TPRKB: variants seen among roughly 807,000 people sequenced by gnomAD.
TPRKB encodes TP53RK binding protein.
In TPRKB, 11 loss-of-function variants were observed where a neutral mutation model predicts 17.8. The ratio of observed to expected loss-of-function variants is 0.62; its 90% CI spans 0.39 to 1.02. TPRKB has a LOEUF of 1.02. Among genes scored for constraint, TPRKB ranks in the 50% least tolerant of loss-of-function variants. The probability of loss-of-function intolerance (pLI) is 0.00; values close to 1 mark genes in which losing one functional copy is unlikely to be tolerated. For missense variants in TPRKB, 228 were observed against 198.0 expected (o/e 1.15, Z -0.91); for synonymous variants, 71 against 69.5 (o/e 1.02, Z -0.11).
rs115608332 is a variant in TPRKB at position 73,733,157 on chromosome 2, T to C, written c.142-872A>G. On this transcript the variant is annotated intron_variant, in intron 2 of 4. Coordinates refer to ENST00000272424, the MANE Select transcript of TPRKB (RefSeq NM_016058.5). ...ACAATGCTAGGAATGCAGTAAGCACTATATAAAGGTTGGTTATGTCTTGTT... is the reference window on the plus strand; with the variant it reads ...ACAATGCTAGGAATGCAGTAAGCACCATATAAAGGTTGGTTATGTCTTGTT... Among the ~76,000 whole-genome samples the C allele has an allele frequency of 8.6e-3, 1,310 of 152,070 alleles. 23 individuals are homozygous for C. Among genetic ancestry groups the C allele is most frequent in the African/African-American group, 0.03 (1,240 of 41,498 alleles).
intron 4 of TPRKB, 66 bp downstream of exon 4, chr2:73,730,494 T>C (rs1366577865): frequency 6.1e-6 from 7 of 1,156,482 alleles, no homozygotes; most frequent in South Asian, 4.5e-5. Context: ...TGGTGATCAA[T>C]AGGCAAACGG....
At chr2:73,734,285 G>A in intron 2 of TPRKB, 144 bp downstream of exon 2, 1 of 730,254 alleles carries the variant, frequency 1.4e-6, no homozygotes, top group Non-Finnish European at 2.1e-6. Context: ...TTTTAGTTGA[G>A]ACAGGGTTTC....
intron 3 of TPRKB, chr2:73,731,826 A>G (rs78459605): frequency 2.0e-3 from 372 of 183,856 alleles, no homozygotes; most frequent in Non-Finnish European, 3.2e-3. Flanking sequence ...AGAGAATGAT[A>G]TGCAGGCTAG....
At chr2:73,736,454 G>A (rs1271198600) in intron 1 of TPRKB, among the ~76,000 whole-genome samples, 1 of 152,164 alleles carries the variant, frequency 6.6e-6, no homozygotes, top group South Asian at 2.1e-4. Flanking sequence ...AAAAAAACGT[G>A]CTTTTTAACA....
chr2:73,734,778 T>A (rs1671803876), intron 1 of TPRKB, among the ~76,000 whole-genome samples, 187 bp from the exon 2 acceptor site: 1 of 152,234 alleles, frequency 6.6e-6, no homozygotes, highest in African/African-American at 2.4e-5. Flanking sequence ...GTTGTTCTGT[T>A]GTCATCCCCA....
intron 3 of TPRKB, among the ~76,000 whole-genome samples, chr2:73,731,562 T>C (rs1671613010): frequency 6.6e-6 from 1 of 152,248 alleles, no homozygotes; most frequent in Non-Finnish European, 1.5e-5. Flanking sequence ...TAGTACCTGG[T>C]TGTTATTAAC....
In TPRKB at chr2:73,729,985, C is replaced by T. The variant is rs1671518578; in HGVS notation, c.486G>A (p.Leu162=). 1 of 1,576,446 alleles carries T rather than the reference C, an allele frequency of 6.3e-7. No homozygotes were observed. Among genetic ancestry groups the T allele is most frequent in the Non-Finnish European group, 8.6e-7 (1 of 1,159,022 alleles). Reference sequence around the variant, plus strand: ...TTGACATTCTACAAATGATAGCATCCAATAATGTCCCAATACTTTCTTCTT... The same window carrying T: ...TTGACATTCTACAAATGATAGCATCTAATAATGTCCCAATACTTTCTTCTT... The part of the protein sequence containing the change: ...SSQEESIGTL[L]DAIICRMSTK... The change falls in exon 5 of 5, where the codon TTG becomes TTA. Residue 162 remains leucine, a synonymous_variant. Transcript: ENST00000272424.
chr2:73,730,740 A>T lies in TPRKB; in HGVS notation c.265-4T>A. Reference sequence around the variant, plus strand: ...ATTTTTTCAAAGCCTCTGAAATCTAAGAGAAAAAAAATGAAAAAAAAAACA... The same window carrying T: ...ATTTTTTCAAAGCCTCTGAAATCTATGAGAAAAAAAATGAAAAAAAAAACA... On this transcript the variant is annotated splice_region_variant and splice_polypyrimidine_tract_variant and intron_variant, in intron 3 of 4. Transcript: ENST00000272424. 1 of 1,504,994 alleles carries T rather than the reference A, an allele frequency of 6.6e-7. No individual in the cohort carries two copies. The allele number at this position is 1,504,994 out of a possible 1,614,324, so 93.2% of individuals were successfully genotyped here. A position where few individuals can be genotyped will look rare whatever the true frequency, so the allele number is the denominator to read the frequency against.
chr2:73,735,823 A>C (rs1345055144), intron 1 of TPRKB, among the ~76,000 whole-genome samples: 3 of 152,218 alleles, frequency 2.0e-5, no homozygotes, highest in African/African-American at 7.2e-5. Context: ...ATATTTCTAG[A>C]ACTCTTTCTG....
At chr2:73,732,491 C>A in intron 2 of TPRKB, 1 of 522,470 alleles carries the variant, frequency 1.9e-6, no homozygotes, top group South Asian at 2.3e-5. Flanking sequence ...GTGGGTAGAT[C>A]ACCTGACGTC....
intron 1 of TPRKB, among the ~76,000 whole-genome samples, chr2:73,736,199 C>T (rs992847843): frequency 1.3e-5 from 2 of 152,072 alleles, no homozygotes; most frequent in Non-Finnish European, 2.9e-5. Flanking sequence ...ACAGTTCAAT[C>T]ATTAGTCATG....
intron 4 of TPRKB, 145 bp from the exon 5 acceptor site, chr2:73,730,174 C>T: frequency 2.0e-6 from 2 of 1,007,082 alleles, no homozygotes; most frequent in Non-Finnish European, 2.7e-6. Flanking sequence ...TTAAAATATT[C>T]AAAGTAGAGG....
At chr2:73,733,232 A>C (rs888090715) in intron 2 of TPRKB, among the ~76,000 whole-genome samples, 1 of 146,622 alleles carries the variant, frequency 6.8e-6, no homozygotes, top group Non-Finnish European at 1.5e-5. Context: ...ACATGATCGC[A>C]CTGCGTGTGC....
At chr2:73,735,083 C>G (rs1558522754) in intron 1 of TPRKB, among the ~76,000 whole-genome samples, 1 of 152,070 alleles carries the variant, frequency 6.6e-6, no homozygotes, top group Admixed American at 6.5e-5. Flanking sequence ...AATCTCAGCA[C>G]TCTGGGAGGC....
intron 3 of TPRKB, chr2:73,731,236 T>G (rs1008339957): frequency 6.6e-6 from 1 of 152,386 alleles, no homozygotes; most frequent in Non-Finnish European, 1.5e-5. Context: ...GCTGTACCCC[T>G]AGATTTGAAT....
rs974081700 is a variant in TPRKB at position 73,735,313 on chromosome 2, C to T, written c.-22-722G>A. Among the ~76,000 whole-genome samples, 5 of 145,860 alleles carry T rather than the reference C, an allele frequency of 3.4e-5. No homozygotes were observed. In the Admixed American group the frequency reaches 3.5e-4, roughly 10 times the overall value. ...TACCATTGCACCCCAGCCTGGGCAA[C>T]AAGAGTGAAACTCCGTCTCAAAAAA... On this transcript the variant is annotated intron_variant, in intron 1 of 4. Transcript: ENST00000272424.
intron 1 of TPRKB, among the ~76,000 whole-genome samples, chr2:73,736,324 G>A (rs889543879): frequency 1.3e-5 from 2 of 152,022 alleles, no homozygotes; most frequent in African/African-American, 4.8e-5. Flanking sequence ...TGACCATCTT[G>A]GGTAGTGAGG....
At position 73,730,634 on chromosome 2, in the gene TPRKB, T is replaced by G; in HGVS notation, c.367A>C (p.Ile123Leu). ...ACCTGATGACCTTCTACTTGAGATA[T>G]TAGGTATTCTTGATTTATTTGTTTT... Reference protein sequence around the residue: ...GEKQINQEYLISQVEGHQVSL... With the variant: ...GEKQINQEYLLSQVEGHQVSL... Residue 123 changes from isoleucine (I) to leucine (L), a missense_variant, in exon 4 of 5, where the codon ATA (isoleucine) becomes CTA (leucine). Physicochemically the swap from Ile to Leu is conservative, Grantham distance 5. Coordinates refer to ENST00000272424, the MANE Select transcript of TPRKB (RefSeq NM_016058.5). 1 of 1,592,702 alleles carries G rather than the reference T, an allele frequency of 6.3e-7. No individual in the cohort carries two copies. Among genetic ancestry groups the G allele is most frequent in the Non-Finnish European group, 8.5e-7 (1 of 1,170,734 alleles).
At chr2:73,737,229 C>G (rs1038811886) in intron 1 of TPRKB, 73 bp downstream of exon 1, 1 of 152,290 alleles carries the variant, frequency 6.6e-6, no homozygotes, top group African/African-American at 2.4e-5. Flanking sequence ...AGCCGTTGTC[C>G]CAAAGACACT....
Sources: gnomAD v4.1 joint callset for allele counts (sites outside exome capture counted in the v4.1 genomes callset) on GRCh38, gnomAD v4.1.1 for gene constraint, MANE v1.5 for transcripts, NCBI Gene and HGNC (gene_info 2026-07-23, HGNC 2026-07-21) for gene names.